FGF1: variants seen among roughly 807,000 people sequenced by gnomAD.
FGF1 encodes the protein fibroblast growth factor 1.
FGF1 carries 9 observed loss-of-function variants against 13.4 expected under a neutral mutation model. The ratio of observed to expected loss-of-function variants is 0.67; its 90% CI spans 0.40 to 1.17. FGF1 has a LOEUF of 1.17. Ranked by LOEUF, FGF1 falls within the 50% of genes most tolerant of loss-of-function variation. The pLI is 0.01. For missense variants in FGF1, 156 were observed against 192.7 expected (o/e 0.81, Z 1.13); for synonymous variants, 93 against 79.0 (o/e 1.18, Z -0.94).
intron 1 of FGF1, among the ~76,000 whole-genome samples, chr5:142,625,321 C>G (rs1224322038): frequency 1.7e-4 from 10 of 60,342 alleles, no homozygotes; most frequent in Admixed American, 1.1e-3. Flanking sequence ...CGGACACACA[C>G]ACACACACAC....
intron 1 of FGF1, among the ~76,000 whole-genome samples, chr5:142,618,674 A>G (rs1412346292): frequency 6.6e-6 from 1 of 152,188 alleles, no homozygotes; most frequent in East Asian, 1.9e-4. Flanking sequence ...CATAGCAGAG[A>G]AGATGAAAGG....
chr5:142,616,271 T>C (rs1760215604), intron 1 of FGF1, among the ~76,000 whole-genome samples: 1 of 152,224 alleles, frequency 6.6e-6, no homozygotes, highest in African/African-American at 2.4e-5. Context: ...CTGGTACATT[T>C]TTCCCACTCT....
chr5:142,690,859 C>G (rs1033675457), upstream of FGF1, among the ~76,000 whole-genome samples: 1 of 152,182 alleles, frequency 6.6e-6, no homozygotes, highest in Non-Finnish European at 1.5e-5. Flanking sequence ...TCACCGTGCT[C>G]CAGTCACCTG....
chr5:142,649,873 T>A (rs1037459371), intron 1 of FGF1, among the ~76,000 whole-genome samples: 2 of 152,220 alleles, frequency 1.3e-5, no homozygotes, highest in Non-Finnish European at 2.9e-5. Context: ...CAATTTTCTT[T>A]AAAAACCCAC....
intron 1 of FGF1, among the ~76,000 whole-genome samples, chr5:142,643,112 GCCT>G (rs1257438489): frequency 6.6e-6 from 1 of 152,148 alleles, no homozygotes; most frequent in Non-Finnish European, 1.5e-5. Context: ...CATGGCTTCT[GCCT>G]CCTCATTTGA....
intron 2 of FGF1, among the ~76,000 whole-genome samples, chr5:142,696,863 A>G (rs1025259222): frequency 6.6e-6 from 1 of 152,204 alleles, no homozygotes; most frequent in Non-Finnish European, 1.5e-5. Flanking sequence ...GGGTATTTGT[A>G]GTCCATAGCC....
rs17217275 is a variant in FGF1, at chr5:142,613,086, C to T, written c.169+873G>A. On this transcript the variant is annotated intron_variant, in intron 2 of 3. Transcript: ENST00000337706. ...CAAGTTTGACTCTTGAGATTGCTGACCCTCTAAGCAGGGACTGGATCTGAC... is the reference window on the plus strand; with the variant it reads ...CAAGTTTGACTCTTGAGATTGCTGATCCTCTAAGCAGGGACTGGATCTGAC... 6.6e-3 allele frequency among the ~76,000 whole-genome samples: 999 copies of T among 152,310 alleles called. 17 individuals carry two copies. Among genetic ancestry groups the T allele is most frequent in the African/African-American group, 0.023 (965 of 41,564 alleles).
intron 1 of FGF1, among the ~76,000 whole-genome samples, chr5:142,662,160 A>T (rs1033936737): frequency 1.3e-5 from 2 of 152,150 alleles, no homozygotes; most frequent in African/African-American, 2.4e-5. Context: ...ATGACTGCTG[A>T]TTCATATGTG....
At chr5:142,620,192 C>T (rs62382131) in intron 1 of FGF1, among the ~76,000 whole-genome samples, 37,870 of 151,866 alleles carry the variant, frequency 0.25, 5,766 homozygotes, top group Non-Finnish European at 0.35. Flanking sequence ...CCGAGGTGGG[C>T]GGATCACGAG....
upstream of FGF1, among the ~76,000 whole-genome samples, chr5:142,689,788 TC>T (rs1751865977): frequency 7.2e-6 from 1 of 139,700 alleles, no homozygotes; most frequent in South Asian, 2.5e-4. Context: ...AAGCTCCGCC[TC>T]CCGAGTTCAC....
chr5:142,635,509 A>G (rs1446709715), intron 1 of FGF1, among the ~76,000 whole-genome samples: 1 of 152,180 alleles, frequency 6.6e-6, no homozygotes, highest in African/African-American at 2.4e-5. Flanking sequence ...ATTTTTCTGC[A>G]TGTCCGAAGT....
chr5:142,681,563 T>C (rs982101003), intron 1 of FGF1, among the ~76,000 whole-genome samples: 1 of 152,210 alleles, frequency 6.6e-6, no homozygotes, highest in African/African-American at 2.4e-5. Flanking sequence ...TGCCATCTCT[T>C]AGCAGAATTT....
At chr5:142,689,566 G>A (rs1402621451), upstream of FGF1, among the ~76,000 whole-genome samples, 3 of 152,106 alleles carry the variant, frequency 2.0e-5, no homozygotes, top group South Asian at 2.1e-4. Flanking sequence ...GCCCGCCGCT[G>A]GTTAGCCTGA....
intron 3 of FGF1, among the ~76,000 whole-genome samples, chr5:142,595,823 G>C (rs538119385): frequency 1.1e-4 from 17 of 152,312 alleles, no homozygotes; most frequent in African/African-American, 4.1e-4. Flanking sequence ...CATTCTGCTC[G>C]ACTGTAAGTA....
intron 1 of FGF1, among the ~76,000 whole-genome samples, chr5:142,683,700 A>T (rs1402898612): frequency 6.6e-6 from 1 of 151,786 alleles, no homozygotes; most frequent in Non-Finnish European, 1.5e-5. Context: ...GCACACCTGT[A>T]ATCCCAGCTA....
At chr5:142,696,469 C>T (rs1753129596) in intron 2 of FGF1, among the ~76,000 whole-genome samples, 1 of 152,162 alleles carries the variant, frequency 6.6e-6, no homozygotes, top group Non-Finnish European at 1.5e-5. Flanking sequence ...TACCCACATT[C>T]GTTCTATGAG....
chr5:142,657,679 G>C (rs989634964), intron 1 of FGF1, among the ~76,000 whole-genome samples: 1 of 152,240 alleles, frequency 6.6e-6, no homozygotes, highest in Non-Finnish European at 1.5e-5. Flanking sequence ...CTGCGGCTGC[G>C]GCCGAGTGTC....
intron 1 of FGF1, among the ~76,000 whole-genome samples, chr5:142,660,462 G>A (rs970789659): frequency 2.6e-5 from 4 of 152,222 alleles, no homozygotes; most frequent in African/African-American, 9.7e-5. Flanking sequence ...TTGGCTGTGG[G>A]TTTCTCCTTC....
chr5:142,604,581 G>A (rs1209247682), intron 2 of FGF1, among the ~76,000 whole-genome samples: 1 of 152,166 alleles, frequency 6.6e-6, no homozygotes, highest in African/African-American at 2.4e-5. Context: ...TATAGTGGGA[G>A]TTGTTGTAAG....
Sources: allele counts gnomAD v4.1 joint callset (sites outside exome capture counted in the v4.1 genomes callset), GRCh38; gene constraint gnomAD v4.1.1; transcripts MANE v1.5; gene names NCBI Gene and HGNC (gene_info 2026-07-23, HGNC 2026-07-21).